CLMP: variants seen among roughly 807,000 people sequenced by gnomAD.
CLMP encodes CXADR like cell adhesion molecule.
In CLMP, 27 loss-of-function variants were observed where a neutral mutation model predicts 45.2. That is an observed-to-expected ratio of 0.60 (90% CI 0.44 to 0.82). CLMP has a LOEUF of 0.82. Among genes scored for constraint, CLMP ranks in the 40% least tolerant of loss-of-function variants. CLMP has a pLI of 0.00. For missense variants in CLMP, 403 were observed against 448.4 expected, an observed-to-expected ratio of 0.90 and a Z score of 0.91; for synonymous variants, 167 against 171.4, an observed-to-expected ratio of 0.97 and a Z score of 0.20.
intron 1 of CLMP, among the ~76,000 whole-genome samples, chr11:123,160,518 T>TG (rs1861472260): frequency 6.6e-6 from 1 of 152,114 alleles, no homozygotes; most frequent in Non-Finnish European, 1.5e-5. Context: ...ACGAGAAACT[T>TG]GGGAAAGGAG....
At chr11:123,091,590 G>A (rs1455633082) in intron 2 of CLMP, among the ~76,000 whole-genome samples, 2 of 152,178 alleles carry the variant, frequency 1.3e-5, no homozygotes, top group Non-Finnish European at 2.9e-5. Flanking sequence ...CCAGGATAGG[G>A]AGAAGCCTAT....
At chr11:123,090,286 A>G (rs1865915444) in intron 2 of CLMP, among the ~76,000 whole-genome samples, 1 of 128,030 alleles carries the variant, frequency 7.8e-6, no homozygotes, top group Non-Finnish European at 1.6e-5. Context: ...CTCCACTAAA[A>G]TACAAAAAAA....
chr11:123,181,249 G>A (rs1861765426), intron 1 of CLMP, among the ~76,000 whole-genome samples: 5 of 152,100 alleles, frequency 3.3e-5, no homozygotes, highest in African/African-American at 1.2e-4. Flanking sequence ...TCTCCAAATT[G>A]GCCTATAAAC....
chr11:123,118,929 T>TTTTCTTTTCTTTCTTTCTTTC (rs1565387590), intron 1 of CLMP, among the ~76,000 whole-genome samples: 1 of 99,338 alleles, frequency 1.0e-5, no homozygotes, highest in African/African-American at 4.2e-5. Context: ...TTTTCTTTTC[T>TTTTCTTTTCTTTCTTTCTTTC]TTTCTTTCTT....
At chr11:123,192,189 T>C (rs963034534) in intron 1 of CLMP, among the ~76,000 whole-genome samples, 1 of 152,134 alleles carries the variant, frequency 6.6e-6, no homozygotes, top group Non-Finnish European at 1.5e-5. Context: ...ACCGAGTATC[T>C]GGGGGTGAGT....
intron 1 of CLMP, among the ~76,000 whole-genome samples, chr11:123,183,023 G>A (rs1565405931): frequency 1.3e-5 from 2 of 152,220 alleles, no homozygotes; most frequent in Non-Finnish European, 2.9e-5. Context: ...TCTCAGGTCA[G>A]ATGATTCAGG....
intron 1 of CLMP, among the ~76,000 whole-genome samples, chr11:123,143,994 A>G (rs529569346): frequency 1.4e-4 from 21 of 152,192 alleles, no homozygotes; most frequent in African/African-American, 4.8e-4. Context: ...TTTTTAGTAG[A>G]GATGGGGTTT....
Position 123,070,796 on chromosome 11 carries a change from T to G in CLMP, c.*2678A>C, listed in dbSNP as rs189388018. 55 of 152,324 alleles carry G rather than the reference T, an allele frequency of 3.6e-4. No individual in the cohort carries two copies. In the Middle Eastern group the frequency reaches 0.01, roughly 28 times the overall value. The allele number at this position is 152,324 out of a possible 1,614,324, so 9.4% of individuals were successfully genotyped here. A position where few individuals can be genotyped will look rare whatever the true frequency, so the allele number is the denominator to read the frequency against. Reference sequence around the variant, plus strand: ...ATATTTTACAATGAGACAGTGTTAGTGTAAGAAGCATTCCAAATACGCCAG... The same window carrying G: ...ATATTTTACAATGAGACAGTGTTAGGGTAAGAAGCATTCCAAATACGCCAG... On this transcript the variant is annotated 3_prime_UTR_variant, in exon 7 of 7. Transcript: ENST00000448775.
At chr11:123,186,681 C>G (rs538831175) in intron 1 of CLMP, among the ~76,000 whole-genome samples, 1 of 152,264 alleles carries the variant, frequency 6.6e-6, no homozygotes, top group African/African-American at 2.4e-5. Flanking sequence ...CGTCACCACA[C>G]CAGGCTCATT....
chr11:123,128,782 G>T (rs1349625102), intron 1 of CLMP, among the ~76,000 whole-genome samples: 2 of 151,996 alleles, frequency 1.3e-5, no homozygotes. Context: ...TATAGAGGTG[G>T]GAAGAATTTT....
Position 123,081,599 on chromosome 11 carries a change from C to T in CLMP, c.679+1486G>A, listed in dbSNP as rs550791870. Among the ~76,000 whole-genome samples, 285 of 152,196 alleles carry T rather than the reference C, an allele frequency of 1.9e-3. 1 individual carries two copies. The highest frequency in any genetic ancestry group is 6.4e-3 in the African/African-American group (266 of 41,540). On this transcript the variant is annotated intron_variant, in intron 5 of 6. Coordinates refer to ENST00000448775, the MANE Select transcript of CLMP (RefSeq NM_024769.5). ...AGAAAAACTCTAAGAGGCCAGGTGG[C>T]GTTGCGCATGCCGGTAATCGCAGCA...
chr11:123,093,592 C>T (rs1865957340), intron 2 of CLMP, among the ~76,000 whole-genome samples: 1 of 83,916 alleles, frequency 1.2e-5, no homozygotes, highest in African/African-American at 7.2e-5. Flanking sequence ...AAATGATCTG[C>T]CCACCCAAAG....
intron 1 of CLMP, among the ~76,000 whole-genome samples, chr11:123,158,137 C>A (rs1861440155): frequency 6.6e-6 from 1 of 152,124 alleles, no homozygotes; most frequent in Non-Finnish European, 1.5e-5. Context: ...ATGCAAAGTG[C>A]CCCTATTGCA....
At chr11:123,166,655 A>G (rs1861561019) in intron 1 of CLMP, among the ~76,000 whole-genome samples, 1 of 152,212 alleles carries the variant, frequency 6.6e-6, no homozygotes, top group South Asian at 2.1e-4. Context: ...TGGGGGCCAT[A>G]AGAGCTCCAC....
chr11:123,120,685 A>G (rs528894304), intron 1 of CLMP, among the ~76,000 whole-genome samples: 6 of 152,234 alleles, frequency 3.9e-5, no homozygotes, highest in Admixed American at 3.3e-4. Context: ...TATTGTTGTT[A>G]TTATTATCCT....
At chr11:123,123,258 C>CA (rs1860843683) in intron 1 of CLMP, among the ~76,000 whole-genome samples, 4 of 87,834 alleles carry the variant, frequency 4.6e-5, no homozygotes, top group Middle Eastern at 5.2e-3. Context: ...TTCTTTCTTT[C>CA]CTTTTTTTTT....
At chr11:123,175,268 G>T (rs148393316) in intron 1 of CLMP, among the ~76,000 whole-genome samples, 1 of 150,314 alleles carries the variant, frequency 6.7e-6, no homozygotes, top group African/African-American at 2.5e-5. Flanking sequence ...TAATAATCAC[G>T]GTGGAAGGGG....
At chr11:123,180,858 AGGGCAGAGGCTTGG>A (rs936929675) in intron 1 of CLMP, among the ~76,000 whole-genome samples, 3 of 152,190 alleles carry the variant, frequency 2.0e-5, no homozygotes, top group Non-Finnish European at 2.9e-5. Flanking sequence ...GGCATCTTCA[AGGGCAGAGGCTTGG>A]GCAGAGTCAG....
chr11:123,099,051 G>A (rs1232832300), intron 1 of CLMP, among the ~76,000 whole-genome samples: 1 of 151,908 alleles, frequency 6.6e-6, no homozygotes, highest in African/African-American at 2.4e-5. Flanking sequence ...CAGGTCCCAG[G>A]TTACTTCTGG....
Sources: gnomAD v4.1 joint callset for allele counts (sites outside exome capture counted in the v4.1 genomes callset) on GRCh38, gnomAD v4.1.1 for gene constraint, MANE v1.5 for transcripts, NCBI Gene and HGNC (gene_info 2026-07-23, HGNC 2026-07-21) for gene names.